ZNF717: variants seen among roughly 807,000 people sequenced by gnomAD.
ZNF717 encodes the protein zinc finger protein 717, also known as krueppel-like factor X17.
Under a neutral mutation model 13.8 loss-of-function variants are expected in ZNF717, and 9 were observed. The ratio of observed to expected loss-of-function variants is 0.65; its 90% CI spans 0.39 to 1.14. The LOEUF (loss-of-function observed/expected upper bound fraction) is 1.14. Among genes scored for constraint, ZNF717 ranks in the 50% most tolerant of loss-of-function variants. ZNF717 has a pLI of 0.01. For missense variants in ZNF717, 1,040 were observed against 1,080.7 expected (o/e 0.96, Z 0.53); for synonymous variants, 327 against 364.1 (o/e 0.90, Z 1.16).
intron 2 of ZNF717, among the ~76,000 whole-genome samples, chr3:75,752,809 A>G (rs201190769): frequency 3.3e-5 from 5 of 151,490 alleles, no homozygotes; most frequent in Non-Finnish European, 5.9e-5. Flanking sequence ...ATTTCAGAAC[A>G]CTGCTCCTGG....
At chr3:75,696,689 T>A (rs1439854996) in intron 6 of ZNF717, among the ~76,000 whole-genome samples, 3 of 152,292 alleles carry the variant, frequency 2.0e-5, no homozygotes, top group Non-Finnish European at 2.9e-5. Context: ...GTTCAGGAGT[T>A]CTAAACCAGT....
chr3:75,732,011 A>T (rs757625050), downstream of ZNF717: 1 of 700,138 alleles, frequency 1.4e-6, no homozygotes, highest in South Asian at 1.5e-5. Context: ...AGGAGGTAAA[A>T]ACACCAGGGA....
intron 4 of ZNF717, 126 bp from the exon 5 acceptor site, chr3:75,739,471 T>C (rs1940055326): frequency 1.8e-6 from 1 of 561,226 alleles, no homozygotes; most frequent in Non-Finnish European, 2.9e-6. Flanking sequence ...AATATGGGTA[T>C]TGGTTTTATA....
At chr3:75,779,051 C>T (rs530474964) in intron 2 of ZNF717, among the ~76,000 whole-genome samples, 2 of 151,536 alleles carry the variant, frequency 1.3e-5, no homozygotes, top group South Asian at 4.2e-4. Flanking sequence ...GAGTGATGCG[C>T]AAAAACCGGA....
intron 4 of ZNF717, among the ~76,000 whole-genome samples, chr3:75,721,812 C>A (rs62248783): frequency 1.3e-5 from 2 of 150,450 alleles, no homozygotes; most frequent in Admixed American, 1.3e-4. Flanking sequence ...TTTGCAGCCA[C>A]TTTGTAGACA....
intron 6 of ZNF717, among the ~76,000 whole-genome samples, chr3:75,698,762 T>G (rs1937633085): frequency 5.3e-5 from 8 of 152,282 alleles, no homozygotes; most frequent in African/African-American, 1.7e-4. Context: ...AAATGTGGGG[T>G]GACAGTCCCT....
downstream of ZNF717, among the ~76,000 whole-genome samples, chr3:75,732,566 T>A (rs1938662390): frequency 6.6e-6 from 1 of 152,224 alleles, no homozygotes; most frequent in Non-Finnish European, 1.5e-5. Context: ...GAAGCTTCTT[T>A]GTCCATTTCA....
intron 2 of ZNF717, among the ~76,000 whole-genome samples, chr3:75,765,274 A>T (rs1236623685): frequency 6.7e-6 from 1 of 149,854 alleles, no homozygotes; most frequent in African/African-American, 2.5e-5. Context: ...TTTCCAAGAT[A>T]AAAAAAAAAT....
downstream of ZNF717, among the ~76,000 whole-genome samples, chr3:75,707,640 G>A (rs1260725883): frequency 1.3e-5 from 2 of 152,242 alleles, no homozygotes; most frequent in African/African-American, 2.4e-5. Flanking sequence ...ACAAGCCAAA[G>A]CAGAGTGAGG....
At chr3:75,727,062 T>C (rs1195683986), downstream of ZNF717, among the ~76,000 whole-genome samples, 7 of 152,348 alleles carry the variant, frequency 4.6e-5, no homozygotes, top group East Asian at 1.4e-3. Flanking sequence ...CAGAAGAACA[T>C]AAATTGTGAA....
chr3:75,736,569 G>T lies in ZNF717; in HGVS notation c.*309C>A, dbSNP rs1334256774. 3.3e-5 allele frequency: 11 copies of T among 332,274 alleles called. No homozygotes were observed. Among genetic ancestry groups the T allele is most frequent in the Admixed American group, 1.3e-4 (3 of 22,962 alleles). The allele number at this position is 332,274 out of a possible 1,614,324, so 20.6% of individuals were successfully genotyped here. A position where few individuals can be genotyped will look rare whatever the true frequency, so the allele number is the denominator to read the frequency against. ...CCCTTGAGACAAAGCCTAATCCTGAGAAAGGCCCTAACTCTCTTCAATTCT... is the reference window on the plus strand; with the variant it reads ...CCCTTGAGACAAAGCCTAATCCTGATAAAGGCCCTAACTCTCTTCAATTCT... On this transcript the variant is annotated 3_prime_UTR_variant, in exon 5 of 5. Transcript: ENST00000652011.
intron 4 of ZNF717, among the ~76,000 whole-genome samples, 200 bp downstream of exon 4, chr3:75,741,073 TAGA>T (rs1484476781): frequency 4.4e-4 from 67 of 152,180 alleles, no homozygotes; most frequent in African/African-American, 9.6e-4. Flanking sequence ...TTGGGGTAAA[TAGA>T]AGAAGATACT....
intron 2 of ZNF717, among the ~76,000 whole-genome samples, chr3:75,747,703 T>C (rs1379301431): frequency 2.6e-5 from 4 of 152,286 alleles, no homozygotes; most frequent in Non-Finnish European, 4.4e-5. Context: ...TTTTTGTACA[T>C]TGATTTTGTA....
chr3:75,715,993 A>C (rs1383737537), intron 5 of ZNF717, among the ~76,000 whole-genome samples: 4 of 147,498 alleles, frequency 2.7e-5, no homozygotes, highest in Non-Finnish European at 6.0e-5. Context: ...TTTTTTTTAG[A>C]TGGATTCTTG....
chr3:75,747,636 T>C (rs1295960871), intron 2 of ZNF717, among the ~76,000 whole-genome samples: 1 of 152,078 alleles, frequency 6.6e-6, no homozygotes, highest in Non-Finnish European at 1.5e-5. Flanking sequence ...TGAATGGGAG[T>C]TCACTCATGA....
At chr3:75,774,610 GTTTTTTTT>G (rs537149833) in intron 2 of ZNF717, among the ~76,000 whole-genome samples, 3 of 80,216 alleles carry the variant, frequency 3.7e-5, no homozygotes, top group African/African-American at 5.0e-5. Context: ...AATTCTTGTG[GTTTTTTTT>G]TTTTTTTTTT....
intron 2 of ZNF717, among the ~76,000 whole-genome samples, chr3:75,782,790 G>A (rs113045619): frequency 1.8e-3 from 269 of 151,328 alleles, no homozygotes; most frequent in African/African-American, 5.4e-3. Flanking sequence ...ACAACACACC[G>A]TGCTTTAGCG....
At chr3:75,710,397 A>T (rs1372396892) in exon 6 of ZNF717, 2 of 152,260 alleles carry the variant, frequency 1.3e-5, no homozygotes, top group African/African-American at 4.8e-5. Flanking sequence ...TAACACAGTC[A>T]TTTTCTCATT....
chr3:75,714,365 T>C (rs2106843543), intron 5 of ZNF717, among the ~76,000 whole-genome samples: 1 of 152,232 alleles, frequency 6.6e-6, no homozygotes, highest in African/African-American at 2.4e-5. Context: ...CAAGGAGCCC[T>C]TGTCTTCTGG....
Sources: gnomAD v4.1 joint callset for allele counts (sites outside exome capture counted in the v4.1 genomes callset) on GRCh38, gnomAD v4.1.1 for gene constraint, MANE v1.5 for transcripts, NCBI Gene and HGNC (gene_info 2026-07-23, HGNC 2026-07-21) for gene names.